UBE2K: variants seen among roughly 807,000 people sequenced by gnomAD.
The protein encoded by UBE2K is ubiquitin-conjugating enzyme E2 K.
A neutral mutation model predicts 30.0 loss-of-function variants in UBE2K; 6 were observed. The ratio of observed to expected loss-of-function variants is 0.20; its 90% confidence interval spans 0.11 to 0.39. The LOEUF (loss-of-function observed/expected upper bound fraction) is 0.39. Ranked by LOEUF, UBE2K falls within the 10% of genes least tolerant of loss-of-function variation. The pLI is 1.00. For synonymous variants in UBE2K, 86 were observed against 83.7 expected, an observed-to-expected ratio of 1.03 and a Z score of -0.15; for missense variants, 61 against 241.6, an observed-to-expected ratio of 0.25 and a Z score of 4.96.
At chr4:39,704,237 CAG>C (rs1443538429) in intron 1 of UBE2K, among the ~76,000 whole-genome samples, 5 of 152,016 alleles carry the variant, frequency 3.3e-5, no homozygotes, top group Admixed American at 2.0e-4. Context: ...GCCTGGGTGA[CAG>C]AGCAACACAC....
intron 4 of UBE2K, chr4:39,760,954 A>C (rs1019400896): frequency 6.6e-6 from 1 of 152,224 alleles, no homozygotes; most frequent in African/African-American, 2.4e-5. Flanking sequence ...ATCCAGCTGC[A>C]TGGTATCTTA....
chr4:39,773,461 C>A (rs185439385), intron 4 of UBE2K, among the ~76,000 whole-genome samples: 1 of 151,798 alleles, frequency 6.6e-6, no homozygotes, highest in African/African-American at 2.4e-5. Flanking sequence ...GAGTGAGACT[C>A]CATCTCAAGA....
chr4:39,739,929 T>A (rs1418127323), intron 2 of UBE2K, among the ~76,000 whole-genome samples: 1 of 152,236 alleles, frequency 6.6e-6, no homozygotes, highest in Non-Finnish European at 1.5e-5. Context: ...TTTTTTGTTT[T>A]ATAGTTCATA....
At chr4:39,749,914 T>TA (rs1159188977) in intron 3 of UBE2K, among the ~76,000 whole-genome samples, 1 of 152,074 alleles carries the variant, frequency 6.6e-6, no homozygotes, top group Non-Finnish European at 1.5e-5. Flanking sequence ...AAAAATAAGA[T>TA]ACGGCCAGGC....
chr4:39,761,903 T>C, intron 4 of UBE2K, among the ~76,000 whole-genome samples: 1 of 151,916 alleles, frequency 6.6e-6, no homozygotes, highest in Non-Finnish European at 1.5e-5. Context: ...TGGCCGGATG[T>C]GGTGGCTGAT....
intron 1 of UBE2K, among the ~76,000 whole-genome samples, chr4:39,715,794 C>T (rs899785030): frequency 6.6e-6 from 1 of 152,150 alleles, no homozygotes; most frequent in Admixed American, 6.5e-5. Context: ...ACCCAGGTCA[C>T]TGGTTGGCCT....
intron 4 of UBE2K, chr4:39,770,200 C>T: frequency 1.9e-6 from 3 of 1,610,452 alleles, no homozygotes; most frequent in Non-Finnish European, 8.5e-7. Flanking sequence ...AAGCGCATGT[C>T]GCAGTAGGAG....
chr4:39,711,667 G>C (rs1718691940), intron 1 of UBE2K, among the ~76,000 whole-genome samples: 1 of 151,904 alleles, frequency 6.6e-6, no homozygotes, highest in Admixed American at 6.6e-5. Flanking sequence ...TGTAAGACCT[G>C]AGCGTATTTT....
Position 39,779,944 on chromosome 4 carries a change from T to G in UBE2K, c.*1510T>G, listed in dbSNP as rs1405720317. 3 of 152,158 alleles carry G rather than the reference T, an allele frequency of 2.0e-5. No homozygotes were observed. Among genetic ancestry groups the G allele is most frequent in the African/African-American group, 4.8e-5 (2 of 41,460 alleles). 9.4% of individuals were successfully genotyped at this position (152,158 alleles called of 1,614,324 possible). ...ATCATAACGTCAGCATAACTTCATT[T>G]GACTTCTCAATAATCTTGATACTAG... is the stretch of plus-strand genomic sequence containing the variant. On this transcript the variant is annotated 3_prime_UTR_variant, in exon 7 of 7. Transcript: ENST00000261427.
chr4:39,730,963 A>C (rs1304417502), intron 1 of UBE2K, among the ~76,000 whole-genome samples: 1 of 151,152 alleles, frequency 6.6e-6, no homozygotes, highest in East Asian at 2.0e-4. Context: ...GGAGTGTGCC[A>C]CTATGTCCAG....
At chr4:39,777,876 C>T (rs1249931924) in intron 6 of UBE2K, 66 bp downstream of exon 6, 12 of 1,332,770 alleles carry the variant, frequency 9.0e-6, no homozygotes, top group African/African-American at 1.5e-5. Context: ...AAATTCTTGG[C>T]TGACAAAAGT....
At chr4:39,711,825 G>T (rs555056341) in intron 1 of UBE2K, among the ~76,000 whole-genome samples, 1 of 151,764 alleles carries the variant, frequency 6.6e-6, no homozygotes, top group South Asian at 2.1e-4. Flanking sequence ...ATCACCTGAG[G>T]TCAGGAGTTC....
intron 1 of UBE2K, among the ~76,000 whole-genome samples, chr4:39,732,956 G>C (rs146461887): frequency 6.6e-6 from 1 of 151,404 alleles, no homozygotes; most frequent in African/African-American, 2.4e-5. Flanking sequence ...AATTACAGGG[G>C]TGAAACATCC....
chr4:39,731,025 G>A (rs1193158269), intron 1 of UBE2K, among the ~76,000 whole-genome samples: 3 of 150,916 alleles, frequency 2.0e-5, no homozygotes, highest in African/African-American at 4.9e-5. Flanking sequence ...TTGCTTTGTC[G>A]CCCAGGCTAG....
At chr4:39,760,673 G>A (rs868782689) in intron 4 of UBE2K, among the ~76,000 whole-genome samples, 11 of 152,126 alleles carry the variant, frequency 7.2e-5, no homozygotes, top group Non-Finnish European at 1.0e-4. Context: ...CGAGGCGGGC[G>A]GATCATGAGG....
intron 1 of UBE2K, among the ~76,000 whole-genome samples, chr4:39,701,593 C>T (rs1164198824): frequency 6.6e-6 from 1 of 152,080 alleles, no homozygotes; most frequent in Non-Finnish European, 1.5e-5. Flanking sequence ...CCCACGCTGT[C>T]ATGACTTGCT....
intron 4 of UBE2K, among the ~76,000 whole-genome samples, chr4:39,769,771 A>C (rs759585169): frequency 7.0e-6 from 1 of 142,090 alleles, no homozygotes; most frequent in Non-Finnish European, 1.5e-5. Flanking sequence ...CCCTCGTTCT[A>C]TAGGACCCTT....
intron 4 of UBE2K, among the ~76,000 whole-genome samples, chr4:39,761,869 T>A (rs1274952371): frequency 6.6e-6 from 1 of 152,044 alleles, no homozygotes; most frequent in Non-Finnish European, 1.5e-5. Context: ...TCATTTTTTT[T>A]TTTTAAAGTT....
intron 4 of UBE2K, among the ~76,000 whole-genome samples, chr4:39,766,380 T>C (rs1712340883): frequency 6.6e-6 from 1 of 152,184 alleles, no homozygotes; most frequent in African/African-American, 2.4e-5. Flanking sequence ...CCCTAATGAT[T>C]AGTGGTGTTG....
Sources: allele counts gnomAD v4.1 joint callset (sites outside exome capture counted in the v4.1 genomes callset), GRCh38; gene constraint gnomAD v4.1.1; transcripts MANE v1.5; gene names NCBI Gene and HGNC (gene_info 2026-07-23, HGNC 2026-07-21).